POFUT3: variants seen among roughly 807,000 people sequenced by gnomAD.
POFUT3 encodes the protein GDP-fucose protein O-fucosyltransferase 3.
the POFUT3 span, among the ~76,000 whole-genome samples, chr8:33,435,399 GT>G: frequency 1.9e-4 from 29 of 152,084 alleles, no homozygotes; most frequent in Middle Eastern, 6.8e-3. Context: ...TGTATTTTTA[GT>G]AGAGATGGGG....
At chr8:33,436,618 A>G in the POFUT3 span, 10 of 892,530 alleles carry the variant, frequency 1.1e-5, no homozygotes, top group Non-Finnish European at 1.7e-5. Flanking sequence ...ACATTCCAGC[A>G]CCTTCCCATA....
chr8:33,327,680 T>C, the POFUT3 span, among the ~76,000 whole-genome samples: 1 of 152,210 alleles, frequency 6.6e-6, no homozygotes, highest in African/African-American at 2.4e-5. Flanking sequence ...CCAAGCATAT[T>C]TGATGACTGG....
At chr8:33,339,932 T>C in the POFUT3 span, among the ~76,000 whole-genome samples, 7 of 152,118 alleles carry the variant, frequency 4.6e-5, no homozygotes, top group African/African-American at 1.7e-4. Flanking sequence ...TTAAAAGCGT[T>C]CTTAAAAGGA....
chr8:33,333,099 C>T, the POFUT3 span, among the ~76,000 whole-genome samples: 13 of 152,294 alleles, frequency 8.5e-5, no homozygotes, highest in African/African-American at 1.2e-4. Context: ...AAGGCAGACG[C>T]GGTACAAGCC....
chr8:33,427,064 C>T, the POFUT3 span, among the ~76,000 whole-genome samples: 1 of 152,190 alleles, frequency 6.6e-6, no homozygotes, highest in Non-Finnish European at 1.5e-5. Context: ...AGCATACAGC[C>T]CCCTGCAGAG....
the POFUT3 span, among the ~76,000 whole-genome samples, chr8:33,323,041 C>A: frequency 3.3e-5 from 5 of 152,020 alleles, no homozygotes; most frequent in African/African-American, 1.2e-4. Flanking sequence ...ATTTTAATTG[C>A]CCTTTTGGGC....
chr8:33,372,514 A>G, the POFUT3 span: 2 of 1,544,468 alleles, frequency 1.3e-6, no homozygotes, highest in Non-Finnish European at 1.7e-6. Context: ...TCAAATATTA[A>G]GGCAACCTAG....
the POFUT3 span, among the ~76,000 whole-genome samples, chr8:33,409,808 G>A: frequency 1.6e-3 from 249 of 152,338 alleles, no homozygotes; most frequent in African/African-American, 5.7e-3. Context: ...AGGAGGCTGA[G>A]GCAGGAGAAT....
chr8:33,411,856 G>A, the POFUT3 span, among the ~76,000 whole-genome samples: 1 of 152,114 alleles, frequency 6.6e-6, no homozygotes, highest in Non-Finnish European at 1.5e-5. Flanking sequence ...CTACAACACG[G>A]TCTTAGGACC....
the POFUT3 span, among the ~76,000 whole-genome samples, chr8:33,459,270 G>T: frequency 4.6e-5 from 7 of 152,096 alleles, no homozygotes; most frequent in Admixed American, 1.3e-4. Flanking sequence ...AACCCAGGAG[G>T]TGGAGGTTTC....
the POFUT3 span, among the ~76,000 whole-genome samples, chr8:33,328,929 C>G: frequency 1.3e-5 from 2 of 152,266 alleles, no homozygotes; most frequent in East Asian, 1.9e-4. Flanking sequence ...CCCCTATACA[C>G]TTTTTTATTT....
At chr8:33,321,850 C>T in the POFUT3 span, among the ~76,000 whole-genome samples, 3 of 152,018 alleles carry the variant, frequency 2.0e-5, no homozygotes, top group South Asian at 2.1e-4. Context: ...TCCTTGATTC[C>T]CATAGAATAC....
chr8:33,312,630 G>C, the POFUT3 span, among the ~76,000 whole-genome samples: 1 of 152,102 alleles, frequency 6.6e-6, no homozygotes, highest in African/African-American at 2.4e-5. Context: ...TAATAGTCTA[G>C]GAAGCTCTTT....
At chr8:33,439,457 C>T in the POFUT3 span, among the ~76,000 whole-genome samples, 1 of 152,072 alleles carries the variant, frequency 6.6e-6, no homozygotes, top group Admixed American at 6.6e-5. Flanking sequence ...AATCTGTTCT[C>T]CGTGGGAAAG....
chr8:33,321,668 A>G, the POFUT3 span, among the ~76,000 whole-genome samples: 4 of 152,106 alleles, frequency 2.6e-5, no homozygotes, highest in East Asian at 3.9e-4. Flanking sequence ...CCATTTCTCA[A>G]TGGGGGAATG....
chr8:33,398,891 C>T, the POFUT3 span, among the ~76,000 whole-genome samples: 5 of 152,142 alleles, frequency 3.3e-5, no homozygotes, highest in East Asian at 3.9e-4. Context: ...TCTTATGGGC[C>T]GGCATTTTTT....
the POFUT3 span, among the ~76,000 whole-genome samples, chr8:33,376,931 A>C: frequency 2.0e-5 from 3 of 152,238 alleles, no homozygotes; most frequent in African/African-American, 7.2e-5. Flanking sequence ...GAATCAGAGC[A>C]GGTAGCTAAG....
chr8:33,339,811 C>A, the POFUT3 span, among the ~76,000 whole-genome samples: 1 of 152,092 alleles, frequency 6.6e-6, no homozygotes, highest in Non-Finnish European at 1.5e-5. Flanking sequence ...ACCCAGAATC[C>A]TATATCCAAC....
chr8:33,384,081 G>C, the POFUT3 span, among the ~76,000 whole-genome samples: 2 of 152,088 alleles, frequency 1.3e-5, no homozygotes, highest in Non-Finnish European at 2.9e-5. Context: ...ATCAGTATCT[G>C]ATATTGATGC....
Sources: gnomAD v4.1 joint callset for allele counts (sites outside exome capture counted in the v4.1 genomes callset) on GRCh38, gnomAD v4.1.1 for gene constraint, MANE v1.5 for transcripts, NCBI Gene and HGNC (gene_info 2026-07-23, HGNC 2026-07-21) for gene names.